Variants in NCKAP5 observed in about 807,000 individuals in gnomAD.
NCKAP5 encodes NCK associated protein 5, also known as nck-associated protein 5.
In NCKAP5, 92 loss-of-function variants were observed where a neutral mutation model predicts 167.0. That is an observed-to-expected ratio of 0.55 (90% CI 0.47 to 0.66). The LOEUF is 0.66. NCKAP5 is among the 30% of genes least tolerant of loss of function. NCKAP5 has a pLI of 0.00. For missense variants in NCKAP5, 2,378 were observed against 2,315.0 expected (o/e 1.03, Z -0.56); for synonymous variants, 891 against 877.4 (o/e 1.02, Z -0.27).
At chr2:132,742,012 A>G (rs1383331895) in intron 16 of NCKAP5, among the ~76,000 whole-genome samples, 1 of 152,080 alleles carries the variant, frequency 6.6e-6, no homozygotes, top group Non-Finnish European at 1.5e-5. Flanking sequence ...TACCCAAATT[A>G]GTGAGTCATG....
At chr2:132,855,106 C>T (rs1027352048) in intron 11 of NCKAP5, among the ~76,000 whole-genome samples, 4 of 152,160 alleles carry the variant, frequency 2.6e-5, no homozygotes, top group African/African-American at 9.7e-5. Flanking sequence ...AAACCAACCT[C>T]ACGTGTTACA....
chr2:133,494,497 G>A (rs1292321697), intron 3 of NCKAP5, among the ~76,000 whole-genome samples: 1 of 152,016 alleles, frequency 6.6e-6, no homozygotes. Context: ...CCATACTTCT[G>A]TCTGTACACC....
intron 3 of NCKAP5, among the ~76,000 whole-genome samples, chr2:133,512,507 T>G (rs1169652167): frequency 6.6e-6 from 1 of 152,202 alleles, no homozygotes; most frequent in Non-Finnish European, 1.5e-5. Flanking sequence ...ATCATGTGTC[T>G]TCAGAGGCAG....
intron 16 of NCKAP5, among the ~76,000 whole-genome samples, chr2:132,732,458 A>T (rs1025936753): frequency 2.6e-5 from 4 of 152,198 alleles, no homozygotes; most frequent in African/African-American, 9.6e-5. Flanking sequence ...AATGATAAGC[A>T]TTTGGAACCA....
chr2:132,908,648 T>A (rs1000583053), intron 8 of NCKAP5, among the ~76,000 whole-genome samples: 1 of 152,240 alleles, frequency 6.6e-6, no homozygotes, highest in African/African-American at 2.4e-5. Flanking sequence ...CATTTATTAC[T>A]GTTAAATTTT....
chr2:133,272,527 A>G (rs2089558642), intron 4 of NCKAP5, among the ~76,000 whole-genome samples: 1 of 152,206 alleles, frequency 6.6e-6, no homozygotes, highest in East Asian at 1.9e-4. Context: ...GAACAATCAA[A>G]TAGATTGAAT....
chr2:132,993,759 T>C (rs1286583676), intron 7 of NCKAP5, among the ~76,000 whole-genome samples: 1 of 152,204 alleles, frequency 6.6e-6, no homozygotes, highest in Non-Finnish European at 1.5e-5. Context: ...CCACCTTAAA[T>C]GTCACACCTC....
At chr2:133,146,671 C>CTCT (rs2083208689) in intron 5 of NCKAP5, among the ~76,000 whole-genome samples, 1 of 152,112 alleles carries the variant, frequency 6.6e-6, no homozygotes, top group Non-Finnish European at 1.5e-5. Context: ...AAGTATATAA[C>CTCT]TCTCCCTCCA....
At chr2:132,878,598 A>G (rs1295414707) in intron 9 of NCKAP5, among the ~76,000 whole-genome samples, 1 of 149,864 alleles carries the variant, frequency 6.7e-6, no homozygotes, top group Non-Finnish European at 1.5e-5. Context: ...GGAATTAGGG[A>G]GGGAGGGGGG....
intron 6 of NCKAP5, among the ~76,000 whole-genome samples, chr2:133,099,328 A>AT (rs1038799136): frequency 6.6e-5 from 10 of 152,202 alleles, no homozygotes; most frequent in African/African-American, 9.6e-5. Context: ...GAATTTGATT[A>AT]TTTTTTTTCC....
chr2:132,799,649 C>T lies in NCKAP5; in HGVS notation c.808-2920G>A, dbSNP rs776707129. Among the ~76,000 whole-genome samples the T allele has an allele frequency of 6.6e-5, 10 of 151,492 alleles. No individual in the cohort carries two copies. In the South Asian group the frequency reaches 1.0e-3, roughly 16 times the overall value. On this transcript the variant is annotated intron_variant, in intron 11 of 19. Transcript: ENST00000409261. ...AGGTAACTTCTTAGATAATAAGGCA[C>T]GAATGAATCATTCATTGTTATAGCT... is the stretch of plus-strand genomic sequence containing the variant.
At chr2:133,342,335 T>A (rs375859736) in intron 3 of NCKAP5, among the ~76,000 whole-genome samples, 28 of 152,304 alleles carry the variant, frequency 1.8e-4, no homozygotes, top group African/African-American at 6.5e-4. Context: ...GTATTGCAGA[T>A]GATCTTATGC....
At position 132,784,641 on chromosome 2, in the gene NCKAP5, C is replaced by T; in HGVS notation, c.2170G>A (p.Ala724Thr). 4 of 1,613,844 alleles carry T rather than the reference C, an allele frequency of 2.5e-6. No homozygotes were observed. The highest frequency in any genetic ancestry group is 3.4e-6 in the Non-Finnish European group (4 of 1,179,806). ...AAGAAAGTATAGTCTCTTGCAGCAG[C>T]TCTTGGCTGTAAACAAGCAATTCCC... is the stretch of plus-strand genomic sequence containing the variant. ...PQGIACLQPR[A>T]AARDYTFFKR... The change falls in exon 14 of 20, where the codon GCT becomes ACT. Residue 724 changes from alanine (A) to threonine (T), a missense_variant. Around this residue, in one of 3 missense-constraint regions of NCKAP5, gnomAD observed 1,049 missense variants for 1,023.4 expected, o/e 1.02. Coordinates refer to ENST00000409261, the MANE Select transcript of NCKAP5 (RefSeq NM_207363.3).
At chr2:133,077,626 G>T (rs1280301422) in intron 6 of NCKAP5, among the ~76,000 whole-genome samples, 1 of 152,156 alleles carries the variant, frequency 6.6e-6, no homozygotes, top group Non-Finnish European at 1.5e-5. Context: ...TAATGTAATT[G>T]TATCCTTCGA....
chr2:132,805,680 T>C (rs545857518), intron 11 of NCKAP5, among the ~76,000 whole-genome samples: 2 of 152,052 alleles, frequency 1.3e-5, no homozygotes, highest in South Asian at 2.1e-4. Context: ...AAAATGAACA[T>C]TTATAGAGTG....
chr2:133,615,451 A>G, the NCKAP5 span, among the ~76,000 whole-genome samples: 116 of 152,118 alleles, frequency 7.6e-4, 1 homozygote, highest in Non-Finnish European at 2.5e-4. Flanking sequence ...AAGGATGGAG[A>G]AAGATCTACC....
At chr2:133,246,258 G>GA (rs112684321) in intron 4 of NCKAP5, among the ~76,000 whole-genome samples, 9,202 of 144,028 alleles carry the variant, frequency 0.064, 355 homozygotes, top group South Asian at 0.11. Context: ...TATTCTAATG[G>GA]AAAAAAAAAA....
chr2:133,212,639 A>G (rs972714338), intron 5 of NCKAP5, among the ~76,000 whole-genome samples: 1 of 152,224 alleles, frequency 6.6e-6, no homozygotes, highest in Non-Finnish European at 1.5e-5. Flanking sequence ...AAGTGTTGAG[A>G]TAACAGGCGT....
At chr2:133,621,180 C>T in the NCKAP5 span, among the ~76,000 whole-genome samples, 1 of 151,976 alleles carries the variant, frequency 6.6e-6, no homozygotes, top group East Asian at 1.9e-4. Flanking sequence ...TGAAAGAGCA[C>T]AGGTATACAA....
Sources: allele counts gnomAD v4.1 joint callset (sites outside exome capture counted in the v4.1 genomes callset), GRCh38; gene constraint gnomAD v4.1.1; regional missense constraint gnomAD v4.1.1; transcripts MANE v1.5; gene names NCBI Gene and HGNC (gene_info 2026-07-23, HGNC 2026-07-21).